DCDC1: variants seen among roughly 807,000 people sequenced by gnomAD.
DCDC1 encodes the protein doublecortin domain-containing protein 1.
In DCDC1, 200 loss-of-function variants were observed where a neutral mutation model predicts 178.3. The ratio of observed to expected loss-of-function variants is 1.12; its 90% confidence interval spans 1.00 to 1.26. The LOEUF (loss-of-function observed/expected upper bound fraction) is 1.26, where lower values mean the gene tolerates loss of function less well. Ranked by LOEUF, DCDC1 falls within the 50% of genes most tolerant of loss-of-function variation. DCDC1 has a pLI of 0.00. For synonymous variants in DCDC1, 690 were observed against 604.8 expected (o/e 1.14, Z -2.07); for missense variants, 1,983 against 1,749.2 (o/e 1.13, Z -2.38).
intron 1 of DCDC1, among the ~76,000 whole-genome samples, chr11:31,367,720 G>A (rs10835767): frequency 0.055 from 8,328 of 152,220 alleles, 307 homozygotes; most frequent in South Asian, 0.1. Flanking sequence ...GTAAAGTATC[G>A]CCTTAATAAT....
intron 38 of DCDC1, among the ~76,000 whole-genome samples, chr11:30,867,072 T>A (rs576081749): frequency 2.0e-5 from 3 of 152,156 alleles, no homozygotes; most frequent in Non-Finnish European, 4.4e-5. Context: ...GGGTTGGGCA[T>A]CCAAATGTAG....
chr11:31,195,402 T>TC (rs1342877967), intron 9 of DCDC1, among the ~76,000 whole-genome samples: 1 of 152,102 alleles, frequency 6.6e-6, no homozygotes, highest in Admixed American at 6.6e-5. Flanking sequence ...AAAGTTTTCT[T>TC]CAGGAGACCA....
At chr11:31,194,668 T>C (rs1256395892) in intron 9 of DCDC1, among the ~76,000 whole-genome samples, 2 of 152,098 alleles carry the variant, frequency 1.3e-5, no homozygotes, top group Admixed American at 1.3e-4. Flanking sequence ...ATAAGTTACT[T>C]AATCTTTTCC....
rs1257768480 is a variant in DCDC1, at chr11:30,972,708, C to T, written c.2592-20140G>A. The stretch of plus-strand genomic sequence containing the variant: ...ACAAAAATAAGTCCTCACATCATAA[C>T]ATAACCTTGAATGTAAATAGATTAA... On this transcript the variant is annotated intron_variant, in intron 20 of 38. Coordinates refer to ENST00000684477, the MANE Select transcript of DCDC1 (RefSeq NM_001387274.1). Among the ~76,000 whole-genome samples the T allele has an allele frequency of 2.0e-5, 3 of 152,248 alleles. No individual in the cohort carries two copies. The East Asian group carries it at 5.8e-4, about 29-fold the overall frequency.
In DCDC1 at chr11:31,014,987, G is replaced by A. The variant is rs192866668; in HGVS notation, c.2591+49482C>T. Reference sequence around the variant, plus strand: ...TTTTGAGATGGAGTCTCGCTCTGTCGCCCGGGCTGGATTGCAGTGGCGCAA... The same window carrying A: ...TTTTGAGATGGAGTCTCGCTCTGTCACCCGGGCTGGATTGCAGTGGCGCAA... On this transcript the variant is annotated intron_variant, in intron 20 of 38. Coordinates refer to ENST00000684477, the MANE Select transcript of DCDC1 (RefSeq NM_001387274.1). Among the ~76,000 whole-genome samples the A allele has an allele frequency of 4.3e-3, 621 of 144,884 alleles. 2 individuals carry two copies. Among genetic ancestry groups the A allele is most frequent in the Middle Eastern group, 0.015 (4 of 266 alleles).
rs757239569 is a variant in DCDC1 at position 30,878,580 on chromosome 11, G to C, written c.*4C>G. ...AGCAGAAAATCCGATGGTTCTGATA[G>C]GAGTTAATTGTGGAGATGTGCCAGA... On this transcript the variant is annotated 3_prime_UTR_variant, in exon 38 of 39. Transcript: ENST00000684477. 1 of 1,593,276 alleles carries C rather than the reference G, an allele frequency of 6.3e-7. No individual in the cohort carries two copies. Among genetic ancestry groups the C allele is most frequent in the African/African-American group, 1.4e-5 (1 of 73,366 alleles).
At chr11:30,926,055 G>T (rs1035108874) in intron 22 of DCDC1, among the ~76,000 whole-genome samples, 5 of 152,168 alleles carry the variant, frequency 3.3e-5, no homozygotes, top group African/African-American at 9.7e-5. Flanking sequence ...TCCCTGAGGA[G>T]CTCCGAGTCT....
At chr11:31,133,839 G>T (rs1366277933) in intron 10 of DCDC1, among the ~76,000 whole-genome samples, 6 of 152,220 alleles carry the variant, frequency 3.9e-5, no homozygotes, top group Middle Eastern at 6.8e-3. Context: ...GAGTAGCTGG[G>T]ATTACAGGCA....
At chr11:31,110,462 T>C (rs772079634) in intron 11 of DCDC1, 101 bp from the exon 12 acceptor site, 3 of 573,994 alleles carry the variant, frequency 5.2e-6, no homozygotes, top group East Asian at 2.8e-5. Flanking sequence ...TCCTTTTTCA[T>C]GGTACCATGT....
chr11:31,369,495 CCA>C (rs745692548), intron 1 of DCDC1, among the ~76,000 whole-genome samples, 200 bp downstream of exon 1: 1 of 152,136 alleles, frequency 6.6e-6, no homozygotes, highest in Non-Finnish European at 1.5e-5. Context: ...CTCTCTCACC[CCA>C]GAGTTCAAGC....
rs779526857 is a variant in DCDC1 at position 31,077,850 on chromosome 11, T to C, written c.2298+15A>G. ...AAAACTTAGGCATAAAAGCTGTGGA[T>C]TATAAAGTCCTTACCTTTGAATAAA... On this transcript the variant is annotated intron_variant, in intron 18 of 38. Transcript: ENST00000684477. The C allele has an allele frequency of 1.3e-6, 1 of 765,666 alleles. No individual in the cohort carries two copies. The highest frequency in any genetic ancestry group is 1.3e-5 in the South Asian group (1 of 74,470). The allele number at this position is 765,666 out of a possible 1,614,324, so 47.4% of individuals were successfully genotyped here. A position where few individuals can be genotyped will look rare whatever the true frequency, so the allele number is the denominator to read the frequency against.
chr11:31,216,994 A>T (rs1300767907), intron 9 of DCDC1, among the ~76,000 whole-genome samples: 1 of 152,236 alleles, frequency 6.6e-6, no homozygotes, highest in East Asian at 1.9e-4. Flanking sequence ...ATTAATTAAC[A>T]TAGATTGTAT....
At chr11:30,940,205 GAA>G (rs1367797818) in intron 21 of DCDC1, among the ~76,000 whole-genome samples, 2 of 152,080 alleles carry the variant, frequency 1.3e-5, no homozygotes, top group Admixed American at 1.3e-4. Context: ...CGAAACTTGA[GAA>G]AGTTACATTT....
chr11:31,200,402 T>C (rs1009949095), intron 9 of DCDC1, among the ~76,000 whole-genome samples: 1 of 151,972 alleles, frequency 6.6e-6, no homozygotes, highest in Non-Finnish European at 1.5e-5. Context: ...TTACAGAACA[T>C]ATTTAGTAAT....
Position 31,149,140 on chromosome 11 carries a change from T to G in DCDC1, c.1222-11356A>C, listed in dbSNP as rs377120239. Among the ~76,000 whole-genome samples the G allele has an allele frequency of 1.8e-4, 27 of 152,310 alleles. No individual in the cohort carries two copies. The South Asian group carries it at 5.4e-3, about 30-fold the overall frequency. On this transcript the variant is annotated intron_variant, in intron 9 of 38. Coordinates refer to ENST00000684477, the MANE Select transcript of DCDC1 (RefSeq NM_001387274.1). ...TACCACGTTTTCTTAATCCACTCATTGGTTGATGGGCACCTGCAAATTGTG... is the reference window on the plus strand; with the variant it reads ...TACCACGTTTTCTTAATCCACTCATGGGTTGATGGGCACCTGCAAATTGTG...
chr11:31,094,235 A>C, intron 15 of DCDC1, 51 bp from the exon 16 acceptor site: 1 of 746,178 alleles, frequency 1.3e-6, no homozygotes, highest in African/African-American at 1.7e-5. Flanking sequence ...TAAGAGTTAA[A>C]CTCCTCAACA....
chr11:31,330,827 A>G (rs1217761443), intron 2 of DCDC1, among the ~76,000 whole-genome samples: 2 of 152,296 alleles, frequency 1.3e-5, no homozygotes, highest in African/African-American at 2.4e-5. Context: ...GAAGTCAGGT[A>G]GCGTAATGTC....
chr11:31,350,041 T>TA lies in DCDC1; in HGVS notation c.-124-14478dup, dbSNP rs145270930. ...TTGACCACACCACTGAATAGTTCTTTAAGTCTAGAAGCTAAATCCCTGGAT... is the reference window on the plus strand; with the variant it reads ...TTGACCACACCACTGAATAGTTCTTTAAAGTCTAGAAGCTAAATCCCTGGAT... On this transcript the variant is annotated intron_variant, in intron 1 of 38. Transcript: ENST00000684477. Among the ~76,000 whole-genome samples the TA allele has an allele frequency of 2.3e-3, 354 of 152,308 alleles. 1 individual carries two copies. The highest frequency in any genetic ancestry group is 8.2e-3 in the African/African-American group (340 of 41,574).
At chr11:30,978,202 C>A (rs2134759664) in intron 20 of DCDC1, among the ~76,000 whole-genome samples, 1 of 152,332 alleles carries the variant, frequency 6.6e-6, no homozygotes, top group Non-Finnish European at 1.5e-5. Flanking sequence ...CCTATTCTCA[C>A]ACGAATCTGA....
Sources: gnomAD v4.1 joint callset for allele counts (sites outside exome capture counted in the v4.1 genomes callset) on GRCh38, gnomAD v4.1.1 for gene constraint, MANE v1.5 for transcripts, NCBI Gene and HGNC (gene_info 2026-07-23, HGNC 2026-07-21) for gene names.